Variants in FES observed in about 807,000 individuals in gnomAD.
The protein encoded by FES is FES proto-oncogene, tyrosine kinase, also known as tyrosine-protein kinase Fes/Fps.
FES carries 83 observed loss-of-function variants against 109.6 expected under a neutral mutation model. The observed-to-expected ratio is 0.76, with a 90% CI of 0.63 to 0.91. The LOEUF is 0.91. Among genes scored for constraint, FES ranks in the 40% least tolerant of loss-of-function variants. FES has a pLI of 0.00. For synonymous variants in FES, 458 were observed against 442.1 expected (o/e 1.04, Z -0.45); for missense variants, 943 against 1,070.9 (o/e 0.88, Z 1.67).
chr15:90,894,953 G>A (rs2033577115), intron 18 of FES, among the ~76,000 whole-genome samples: 1 of 152,094 alleles, frequency 6.6e-6, no homozygotes, highest in Non-Finnish European at 1.5e-5. Context: ...TGTAATCCCA[G>A]CTACTTGGGA....
intron 18 of FES, among the ~76,000 whole-genome samples, chr15:90,894,974 CAAGA>C (rs1316154383): frequency 3.3e-5 from 5 of 149,816 alleles, no homozygotes; most frequent in Non-Finnish European, 4.4e-5. Context: ...GGCTGAGGCA[CAAGA>C]ATCGCTTGAA....
In FES at chr15:90,893,653, G is replaced by C; in HGVS notation, c.2046-1G>C. On this transcript the variant is annotated splice_acceptor_variant, in intron 16 of 18. Transcript: ENST00000328850. LOFTEE classifies it high-confidence loss of function. ...ATGAGCCCCTGCCCTGTCTCACCCA[G>C]GGACCTGGCTGCTCGGAACTGCCTG... 1.3e-6 allele frequency: 2 copies of C among 1,582,250 alleles called. No individual in the cohort carries two copies. The highest frequency in any genetic ancestry group is 2.3e-5 in the South Asian group (2 of 86,160).
At position 90,889,829 on chromosome 15, in the gene FES, C is replaced by G. The variant is rs1413338530; in HGVS notation, c.927-11C>G. 3 of 1,613,542 alleles carry G rather than the reference C, an allele frequency of 1.9e-6. No homozygotes were observed. The highest frequency in any genetic ancestry group is 2.2e-5 in the East Asian group (1 of 44,844). ...GGCTCGGTTCTAATGCTGCCCTTCT[C>G]TTGGGTGCAGGCTGACCTCAGTGAC... On this transcript the variant is annotated splice_polypyrimidine_tract_variant and intron_variant, in intron 7 of 18. Transcript: ENST00000328850. The surrounding 1 kb of genome is among the most constrained non-coding windows in gnomAD (Gnocchi z 6.1).
chr15:90,890,680 C>A (rs1266925654), intron 10 of FES, among the ~76,000 whole-genome samples, 196 bp downstream of exon 10: 4 of 151,838 alleles, frequency 2.6e-5, no homozygotes, highest in Admixed American at 6.6e-5. Context: ...CTAAAGGGAC[C>A]AGCAACCTCG....
Position 90,885,064 on chromosome 15 carries a change from C to G in FES, c.19C>G (p.Leu7Val), listed in dbSNP as rs2032435685. The change falls in exon 2 of 19, where the codon CTG (leucine) becomes GTG (valine). Residue 7 changes from leucine (L) to valine (V), a missense_variant. By Grantham distance (32) the Leu-to-Val change is conservative. Transcript: ENST00000328850. ...CAGCACTATGGGCTTCTCTTCCGAG[C>G]TGTGCAGCCCCCAGGGCCACGGGGT... MGFSSELCSPQGHGVLQ... is the reference protein window; with the variant it reads MGFSSEVCSPQGHGVLQ... The G allele has an allele frequency of 1.2e-6, 2 of 1,612,104 alleles. No homozygotes were observed. The highest frequency in any genetic ancestry group is 8.5e-7 in the Non-Finnish European group (1 of 1,179,612).
chr15:90,893,256 T>G, intron 15 of FES, 35 bp from the exon 16 acceptor site: 3 of 1,612,396 alleles, frequency 1.9e-6, no homozygotes, highest in Non-Finnish European at 2.5e-6. Flanking sequence ...CAGCCTTACC[T>G]CAGGAGGCTC....
intron 13 of FES, 145 bp downstream of exon 13, chr15:90,892,256 C>T: frequency 1.2e-6 from 1 of 849,958 alleles, no homozygotes; most frequent in Admixed American, 2.1e-5. Flanking sequence ...CCACCACACA[C>T]CATCCTCCAG....
chr15:90,887,138 G>A, intron 4 of FES, 49 bp from the exon 5 acceptor site: 3 of 1,611,804 alleles, frequency 1.9e-6, no homozygotes, highest in Non-Finnish European at 2.5e-6. Context: ...AGTGGGGGCT[G>A]CCTGGGCCTC....
Position 90,889,250 on chromosome 15 carries a change from G to T in FES, c.669-56G>T. 6.2e-7 allele frequency: 1 copy of T among 1,601,488 alleles called. No individual in the cohort carries two copies. The highest frequency in any genetic ancestry group is 8.5e-7 in the Non-Finnish European group (1 of 1,174,602). On this transcript the variant is annotated intron_variant, in intron 5 of 18. Transcript: ENST00000328850. This position sits in a 1 kb window ranked among gnomAD's most constrained non-coding sequence, Gnocchi z 6.1. ...AAACCCAGGGTCCTAGGCCTGAACT[G>T]CCCAGCCTTGCCCAGCCTGAGGCTC...
intron 12 of FES, 150 bp downstream of exon 12, chr15:90,891,826 C>T: frequency 7.7e-7 from 1 of 1,298,888 alleles, no homozygotes; most frequent in Non-Finnish European, 1.1e-6. Context: ...GCCAGCCTTG[C>T]TCTAGGTTTG....
intron 4 of FES, 36 bp downstream of exon 4, chr15:90,887,093 G>A (rs770268813): frequency 1.5e-5 from 24 of 1,613,402 alleles, no homozygotes; most frequent in Middle Eastern, 1.6e-4. Flanking sequence ...GAGGGAATCC[G>A]AAGCCAGTGC....
Position 90,891,542 on chromosome 15 carries a change from C to G in FES, c.1531-12C>G, listed in dbSNP as rs764377304. ...AATGGAGGCTGCTGACCCCGGGTCC[C>G]CTGCCCTGCAGAACCTGTACCGACT... is the stretch of plus-strand genomic sequence containing the variant. On this transcript the variant is annotated splice_polypyrimidine_tract_variant and intron_variant, in intron 11 of 18. Transcript: ENST00000328850. The G allele has an allele frequency of 6.2e-7, 1 of 1,613,466 alleles. No individual in the cohort carries two copies. The highest frequency in any genetic ancestry group is 8.5e-7 in the Non-Finnish European group (1 of 1,179,946).
rs774065347 is a variant in FES, at chr15:90,889,805, G to C, written c.927-35G>C. On this transcript the variant is annotated intron_variant, in intron 7 of 18. Transcript: ENST00000328850. This position sits in a 1 kb window ranked among gnomAD's most constrained non-coding sequence, Gnocchi z 6.1. ...GGACCTGGGTTGAGGGGGCAGGAGG[G>C]CTCGGTTCTAATGCTGCCCTTCTCT... The C allele has an allele frequency of 6.2e-7, 1 of 1,612,150 alleles. No homozygotes were observed. The highest frequency in any genetic ancestry group is 1.1e-5 in the South Asian group (1 of 90,968).
Position 90,895,651 on chromosome 15 carries a change from C to A in FES, c.*93C>A. The A allele has an allele frequency of 8.6e-7, 1 of 1,167,424 alleles. No homozygotes were observed. Among genetic ancestry groups the A allele is most frequent in the Non-Finnish European group, 1.2e-6 (1 of 865,696 alleles). 72.3% of individuals were successfully genotyped at this position (1,167,424 alleles called of 1,614,324 possible). ...TCATATGCTGACAGCTCTTCACAGT[C>A]CTGGACTCCTGCCACCAGCATCCAC... is the stretch of plus-strand genomic sequence containing the variant. On this transcript the variant is annotated 3_prime_UTR_variant, in exon 19 of 19. Coordinates refer to ENST00000328850, the MANE Select transcript of FES (RefSeq NM_002005.4).
chr15:90,895,266 T>A (rs1333640225), intron 18 of FES, 150 bp from the exon 19 acceptor site: 1 of 637,024 alleles, frequency 1.6e-6, no homozygotes, highest in Non-Finnish European at 2.5e-6. Flanking sequence ...AAGCCAGGCC[T>A]CTTTGTCCTT....
intron 13 of FES, 143 bp from the exon 14 acceptor site, chr15:90,892,564 G>A (rs555668744): frequency 5.9e-6 from 4 of 683,312 alleles, no homozygotes; most frequent in Non-Finnish European, 9.8e-6. Context: ...GTTCCCCAGC[G>A]AGGGTCAAAC....
intron 14 of FES, 63 bp from the exon 15 acceptor site, chr15:90,893,037 T>A: frequency 1.3e-6 from 2 of 1,554,282 alleles, no homozygotes; most frequent in Non-Finnish European, 8.8e-7. Context: ...TCTCCCATCA[T>A]CCCTGGGGGG....
At position 90,885,255 on chromosome 15, in the gene FES, T is replaced by C. The variant is rs2032460783; in HGVS notation, c.210T>C (p.Ser70=). The change falls in exon 2 of 19, where the codon AGT becomes AGC. Residue 70 remains serine (S), a synonymous_variant. Coordinates refer to ENST00000328850, the MANE Select transcript of FES (RefSeq NM_002005.4). ...CCATCAGCCCTGACAGCCCCATCAG[T>C]CAGGTGGGTCTCTATGGGACTCTGG... ...SRAISPDSPI[S]QSWAEITSQT... is the part of the protein sequence containing the mutation. 1.9e-6 allele frequency: 3 copies of C among 1,611,984 alleles called. No individual in the cohort carries two copies. The highest frequency in any genetic ancestry group is 2.5e-6 in the Non-Finnish European group (3 of 1,179,594).
rs372563203 is a variant in FES at position 90,893,717 on chromosome 15, G to C, written c.2109G>C (p.Gly703=). Residue 703 remains glycine, a synonymous_variant, in exon 17 of 19, where the codon GGG becomes GGC. Transcript: ENST00000328850. ...ATGTCCTGAAGATCAGTGACTTTGG[G>C]ATGTCCCGAGAGGAAGCCGATGGGG... ...EKNVLKISDF[G]MSREEADGVY... The C allele has an allele frequency of 5.3e-5, 86 of 1,611,896 alleles. 1 individual carries two copies. In the South Asian group the frequency reaches 8.6e-4, roughly 16 times the overall value.
Sources: gnomAD v4.1 joint callset for allele counts (sites outside exome capture counted in the v4.1 genomes callset) on GRCh38, gnomAD v4.1.1 for gene constraint, Gnocchi (gnomAD v3.1) non-coding constraint, MANE v1.5 for transcripts, NCBI Gene and HGNC (gene_info 2026-07-23, HGNC 2026-07-21) for gene names.